BAALC: variants seen among roughly 807,000 people sequenced by gnomAD.
BAALC encodes brain and acute leukemia cytoplasmic protein.
In BAALC, 9 loss-of-function variants were observed where a neutral mutation model predicts 15.5. The observed-to-expected ratio is 0.58, with a 90% CI of 0.35 to 1.02. The LOEUF is 1.02. BAALC is among the 50% of genes least tolerant of loss of function. The probability of loss-of-function intolerance (pLI) is 0.02; values close to 1 mark genes in which losing one functional copy is unlikely to be tolerated. For synonymous variants in BAALC, 80 were observed against 74.6 expected (o/e 1.07, Z -0.37); for missense variants, 201 against 192.4 (o/e 1.04, Z -0.27).
chr8:103,143,459 C>T (rs1810825302), intron 1 of BAALC, among the ~76,000 whole-genome samples: 3 of 152,090 alleles, frequency 2.0e-5, no homozygotes, highest in Admixed American at 2.0e-4. Flanking sequence ...AATGAAAGAG[C>T]CAGTAGATTC....
chr8:103,209,179 C>G (rs994840493), intron 1 of BAALC, among the ~76,000 whole-genome samples: 5 of 152,096 alleles, frequency 3.3e-5, no homozygotes, highest in African/African-American at 1.2e-4. Flanking sequence ...TGAGACCAGC[C>G]TAACCAACAC....
intron 2 of BAALC, among the ~76,000 whole-genome samples, chr8:103,219,850 T>A (rs1812639248): frequency 6.6e-6 from 1 of 152,212 alleles, no homozygotes; most frequent in African/African-American, 2.4e-5. Flanking sequence ...GTCAAACATC[T>A]GGAGTTGCAG....
intron 2 of BAALC, among the ~76,000 whole-genome samples, chr8:103,214,115 T>C (rs1044912512): frequency 2.6e-5 from 4 of 152,162 alleles, no homozygotes; most frequent in Non-Finnish European, 4.4e-5. Context: ...GGTTCATGGC[T>C]CTTCACAGGA....
chr8:103,181,990 A>T (rs925898583), intron 1 of BAALC, among the ~76,000 whole-genome samples: 3 of 152,024 alleles, frequency 2.0e-5, no homozygotes, highest in Non-Finnish European at 4.4e-5. Flanking sequence ...TCTGGGGCTG[A>T]CTCCGGATCC....
intron 1 of BAALC, among the ~76,000 whole-genome samples, chr8:103,191,761 A>C (rs1811972272): frequency 6.6e-6 from 1 of 151,876 alleles, no homozygotes; most frequent in African/African-American, 2.4e-5. Flanking sequence ...GGCAAAGCCA[A>C]CTGCATCTAC....
chr8:103,156,929 C>T (rs1425274871), intron 1 of BAALC: 1 of 152,248 alleles, frequency 6.6e-6, no homozygotes, highest in East Asian at 1.9e-4. Context: ...CTACTAAAAT[C>T]GTTAACACGG....
At chr8:103,221,847 A>G (rs1476882187) in intron 2 of BAALC, among the ~76,000 whole-genome samples, 1 of 152,248 alleles carries the variant, frequency 6.6e-6, no homozygotes, top group Admixed American at 6.5e-5. Context: ...TCTGAACCAA[A>G]TATGAGTGAC....
At chr8:103,214,196 C>T (rs575090798) in intron 2 of BAALC, among the ~76,000 whole-genome samples, 19 of 152,302 alleles carry the variant, frequency 1.2e-4, no homozygotes, top group African/African-American at 4.6e-4. Flanking sequence ...TTCAAAAGGT[C>T]ACCTCTTGGG....
chr8:103,161,533 C>T (rs1811223758), intron 1 of BAALC, among the ~76,000 whole-genome samples: 1 of 152,152 alleles, frequency 6.6e-6, no homozygotes, highest in South Asian at 2.1e-4. Context: ...TTAAACCAGT[C>T]TCCTACTGAT....
intron 1 of BAALC, among the ~76,000 whole-genome samples, chr8:103,173,361 T>C (rs1811540633): frequency 6.6e-6 from 1 of 152,214 alleles, no homozygotes; most frequent in Admixed American, 6.5e-5. Flanking sequence ...TCATGAAGTA[T>C]AGAGATCTCA....
chr8:103,203,210 G>A (rs545110228), intron 1 of BAALC, among the ~76,000 whole-genome samples: 6 of 152,308 alleles, frequency 3.9e-5, no homozygotes, highest in Non-Finnish European at 5.9e-5. Context: ...TTACAGGCTG[G>A]TGGTTCATCA....
intron 1 of BAALC, among the ~76,000 whole-genome samples, chr8:103,148,941 T>C (rs1563633632): frequency 6.6e-6 from 1 of 152,224 alleles, no homozygotes; most frequent in Non-Finnish European, 1.5e-5. Context: ...ATTTACTATA[T>C]GTGAGAATTT....
At chr8:103,221,170 C>T (rs1350161424) in intron 2 of BAALC, among the ~76,000 whole-genome samples, 2 of 152,138 alleles carry the variant, frequency 1.3e-5, no homozygotes, top group African/African-American at 4.8e-5. Context: ...GAGGTTATCA[C>T]GGTCAATCTG....
chr8:103,145,901 T>G (rs62527614), intron 1 of BAALC, among the ~76,000 whole-genome samples: 5,479 of 152,322 alleles, frequency 0.036, 106 homozygotes, highest in Middle Eastern at 0.061. Flanking sequence ...AATTTCATCT[T>G]ATTGGTTTCA....
In BAALC at chr8:103,140,966, A is replaced by G. The variant is rs1319594785; in HGVS notation, c.69A>G (p.Thr23=). The change falls in exon 1 of 3, where the codon ACA becomes ACG. Residue 23 remains threonine (T), a synonymous_variant. Coordinates refer to ENST00000309982, the MANE Select transcript of BAALC (RefSeq NM_024812.3). This position sits in a 1 kb window ranked among gnomAD's most constrained non-coding sequence, Gnocchi z 4.2. ...ACTACGAGAGCTGGACCCGGGAGACAGAATCCACCTGGCTCACCTACACCG... is the reference window on the plus strand; with the variant it reads ...ACTACGAGAGCTGGACCCGGGAGACGGAATCCACCTGGCTCACCTACACCG... ...PRYYESWTRE[T]ESTWLTYTDS... is the part of the protein sequence containing the mutation. 2 of 1,541,866 alleles carry G rather than the reference A, an allele frequency of 1.3e-6. No homozygotes were observed. The highest frequency in any genetic ancestry group is 8.7e-7 in the Non-Finnish European group (1 of 1,145,364).
intron 2 of BAALC, among the ~76,000 whole-genome samples, chr8:103,225,312 A>C (rs1250048615): frequency 6.6e-6 from 1 of 152,248 alleles, no homozygotes; most frequent in African/African-American, 2.4e-5. Context: ...AAGCAATGAC[A>C]TCCTATCTCA....
intron 1 of BAALC, among the ~76,000 whole-genome samples, chr8:103,204,405 A>G (rs948325368): frequency 2.0e-5 from 3 of 152,138 alleles, no homozygotes; most frequent in African/African-American, 2.4e-5. Flanking sequence ...TTGAATCACA[A>G]AAGTTTTCAG....
At chr8:103,192,095 AG>A (rs1231019380) in intron 1 of BAALC, among the ~76,000 whole-genome samples, 3 of 152,298 alleles carry the variant, frequency 2.0e-5, no homozygotes, top group Admixed American at 1.3e-4. Context: ...CTTGTTGCCC[AG>A]GCTGGAGTGC....
intron 1 of BAALC, among the ~76,000 whole-genome samples, chr8:103,163,474 G>A (rs906681258): frequency 1.3e-5 from 2 of 152,070 alleles, no homozygotes; most frequent in African/African-American, 4.8e-5. Flanking sequence ...CCTCACACCT[G>A]CCCACCCTAT....
Sources: allele counts gnomAD v4.1 joint callset (sites outside exome capture counted in the v4.1 genomes callset), GRCh38; gene constraint gnomAD v4.1.1; non-coding constraint Gnocchi (gnomAD v3.1); transcripts MANE v1.5; gene names NCBI Gene and HGNC (gene_info 2026-07-23, HGNC 2026-07-21).